LAMA4: variants seen among roughly 807,000 people sequenced by gnomAD.
LAMA4 encodes the protein laminin subunit alpha 4.
Under a neutral mutation model 207.1 loss-of-function variants are expected in LAMA4, and 127 were observed. The ratio of observed to expected loss-of-function variants is 0.61; its 90% CI spans 0.53 to 0.71. The LOEUF (loss-of-function observed/expected upper bound fraction) is 0.71, where lower values mean the gene tolerates loss of function less well. LAMA4 is among the 30% of genes least tolerant of loss of function. The pLI is 0.00. For missense variants in LAMA4, 2,093 were observed against 2,246.5 expected, an observed-to-expected ratio of 0.93 and a Z score of 1.38; for synonymous variants, 761 against 816.0, an observed-to-expected ratio of 0.93 and a Z score of 1.15.
At chr6:112,218,555 C>A (rs575814215) in intron 2 of LAMA4, 1 of 152,326 alleles carries the variant, frequency 6.6e-6, no homozygotes, top group East Asian at 1.9e-4. Flanking sequence ...ATCCACTGCT[C>A]TCTCCTAAGG....
intron 2 of LAMA4, among the ~76,000 whole-genome samples, chr6:112,232,170 A>G (rs1448743391): frequency 6.6e-6 from 1 of 152,200 alleles, no homozygotes; most frequent in East Asian, 1.9e-4. Flanking sequence ...TCATTAATAA[A>G]CAAATACACC....
At chr6:112,199,249 C>T (rs1348045116) in intron 5 of LAMA4, among the ~76,000 whole-genome samples, 8 of 152,164 alleles carry the variant, frequency 5.3e-5, no homozygotes, top group Non-Finnish European at 1.2e-4. Flanking sequence ...TGTGATTTTA[C>T]AGGACTGTGC....
intron 13 of LAMA4, among the ~76,000 whole-genome samples, chr6:112,163,676 T>C (rs1276590330): frequency 6.6e-6 from 1 of 152,142 alleles, no homozygotes. Context: ...ACAGCAATGA[T>C]AAGTCACTCG....
chr6:112,207,001 C>G lies in LAMA4; in HGVS notation c.422+20G>C, dbSNP rs188820838. ...ACATAGACTGATCATTAGAAGAGACCATCCTCCTTTAGGACTTACTTGGCC... is the reference window on the plus strand; with the variant it reads ...ACATAGACTGATCATTAGAAGAGACGATCCTCCTTTAGGACTTACTTGGCC... On this transcript the variant is annotated intron_variant, in intron 4 of 38. Coordinates refer to ENST00000230538, the MANE Select transcript of LAMA4 (RefSeq NM_001105206.3). The G allele has an allele frequency of 1.1e-5, 17 of 1,613,320 alleles. No homozygotes were observed. Among genetic ancestry groups the G allele is most frequent in the Non-Finnish European group, 1.4e-5 (17 of 1,179,736 alleles).
chr6:112,243,252 C>T (rs965679099), intron 2 of LAMA4, among the ~76,000 whole-genome samples: 1 of 152,102 alleles, frequency 6.6e-6, no homozygotes, highest in Non-Finnish European at 1.5e-5. Flanking sequence ...CCCAGCCCCA[C>T]ATCTGGAGTT....
At chr6:112,213,746 CA>C (rs1461839322) in intron 3 of LAMA4, 5 of 316,090 alleles carry the variant, frequency 1.6e-5, no homozygotes, top group Non-Finnish European at 2.9e-5. Context: ...ATTTTAATTT[CA>C]AATTGACATT....
In LAMA4 at chr6:112,109,393, G is replaced by T; in HGVS notation, c.*44C>A. ...CCTGGCTGGCTTTGTGTTTCTTTCA[G>T]TGCTCTAAAGAACTTTGTATTTGGG... On this transcript the variant is annotated 3_prime_UTR_variant, in exon 39 of 39. Transcript: ENST00000230538. 1 of 1,610,752 alleles carries T rather than the reference G, an allele frequency of 6.2e-7. No individual in the cohort carries two copies.
chr6:112,236,060 C>T (rs1310792819), intron 2 of LAMA4: 4 of 152,214 alleles, frequency 2.6e-5, no homozygotes, highest in African/African-American at 9.6e-5. Context: ...AATGTCTCAA[C>T]ACCCCCGTGA....
chr6:112,172,092 A>G (rs1554341910), intron 12 of LAMA4: 1 of 171,648 alleles, frequency 5.8e-6, no homozygotes, highest in Non-Finnish European at 1.3e-5. Context: ...GCATGCACGA[A>G]TTCTGGCCCC....
intron 9 of LAMA4, among the ~76,000 whole-genome samples, chr6:112,181,675 A>C (rs2114913156): frequency 6.6e-6 from 1 of 152,282 alleles, no homozygotes; most frequent in East Asian, 1.9e-4. Context: ...GTTACCGTTT[A>C]GCCTGTACCA....
intron 2 of LAMA4, among the ~76,000 whole-genome samples, chr6:112,237,535 G>C (rs1769541705): frequency 6.6e-6 from 1 of 152,164 alleles, no homozygotes; most frequent in African/African-American, 2.4e-5. Context: ...GTGATTGAAG[G>C]AGGTAGGGAG....
rs141539371 is a variant in LAMA4, at chr6:112,147,837, C to T, written c.2353+320G>A. 1.4e-4 allele frequency among the ~76,000 whole-genome samples: 21 copies of T among 152,244 alleles called. No homozygotes were observed. In the East Asian group the frequency reaches 3.9e-3, roughly 28 times the overall value. On this transcript the variant is annotated intron_variant, in intron 18 of 38. Coordinates refer to ENST00000230538, the MANE Select transcript of LAMA4 (RefSeq NM_001105206.3). The stretch of plus-strand genomic sequence containing the variant: ...TATTTTGTTAAGATTATTTACCCAA[C>T]ATTTGATTAACCTTGTTCCCTAAAA...
intron 12 of LAMA4, among the ~76,000 whole-genome samples, chr6:112,171,128 A>G (rs548179684): frequency 4.6e-5 from 7 of 152,332 alleles, no homozygotes; most frequent in Non-Finnish European, 5.9e-5. Flanking sequence ...TATATAAGGC[A>G]GAACCGTGAT....
At chr6:112,145,813 G>T (rs1554334400) in intron 18 of LAMA4, among the ~76,000 whole-genome samples, 1 of 152,120 alleles carries the variant, frequency 6.6e-6, no homozygotes, top group Admixed American at 6.5e-5. Context: ...TTTCTAAAGG[G>T]CAGGGACCAC....
At chr6:112,247,613 C>G (rs1238805520) in intron 2 of LAMA4, among the ~76,000 whole-genome samples, 2 of 152,196 alleles carry the variant, frequency 1.3e-5, no homozygotes, top group African/African-American at 2.4e-5. Context: ...TCGAGGCCCA[C>G]CACTCACAGG....
chr6:112,144,680 TGAGTTG>T (rs1779909759), intron 19 of LAMA4, 108 bp downstream of exon 19: 1 of 1,225,708 alleles, frequency 8.2e-7, no homozygotes, highest in South Asian at 1.2e-5. Context: ...TGAGAACTAC[TGAGTTG>T]GAGAATACAG....
At chr6:112,178,002 A>G (rs922250589) in intron 10 of LAMA4, 119 bp downstream of exon 10, 20 of 772,098 alleles carry the variant, frequency 2.6e-5, no homozygotes, top group Non-Finnish European at 4.2e-5. Context: ...AACCTATAAT[A>G]CTGTACCAAC....
intron 38 of LAMA4, among the ~76,000 whole-genome samples, chr6:112,113,311 A>T (rs1226752860): frequency 1.3e-5 from 2 of 152,314 alleles, no homozygotes; most frequent in East Asian, 3.9e-4. Flanking sequence ...ATGATATGTC[A>T]ATTAAAAACT....
At chr6:112,141,002 C>T (rs868912375) in intron 21 of LAMA4, 80 bp from the exon 22 acceptor site, 9 of 1,264,024 alleles carry the variant, frequency 7.1e-6, no homozygotes, top group Middle Eastern at 3.8e-4. Flanking sequence ...TTAATGCTCC[C>T]TCATCACAAA....
Sources: gnomAD v4.1 joint callset for allele counts (sites outside exome capture counted in the v4.1 genomes callset) on GRCh38, gnomAD v4.1.1 for gene constraint, MANE v1.5 for transcripts, NCBI Gene and HGNC (gene_info 2026-07-23, HGNC 2026-07-21) for gene names.